CFAP410: variants seen among roughly 807,000 people sequenced by gnomAD.
The protein encoded by CFAP410 is cilia- and flagella-associated protein 410.
Under a neutral mutation model 25.7 loss-of-function variants are expected in CFAP410, and 27 were observed. That is an observed-to-expected ratio of 1.05 (90% CI 0.77 to 1.45). CFAP410 has a LOEUF of 1.45. CFAP410 is among the 40% of genes most tolerant of loss of function. The probability of loss-of-function intolerance (pLI) is 0.00; values close to 1 mark genes in which losing one functional copy is unlikely to be tolerated. For missense variants in CFAP410, 428 were observed against 354.1 expected (o/e 1.21, Z -1.67); for synonymous variants, 178 against 158.4 (o/e 1.12, Z -0.93).
chr21:44,331,144 C>A, intron 5 of CFAP410: 2 of 582,362 alleles, frequency 3.4e-6, no homozygotes, highest in East Asian at 5.6e-5. Context: ...GCCCTCCCGG[C>A]ACCCTGGGGC....
rs1382585550 is a variant in CFAP410, at chr21:44,337,611, G to C, written c.96+38C>G. 6 of 1,594,788 alleles carry C rather than the reference G, an allele frequency of 3.8e-6. No homozygotes were observed. The East Asian group carries it at 6.7e-5, about 18-fold the overall frequency. On this transcript the variant is annotated intron_variant, in intron 2 of 6. Coordinates refer to ENST00000339818, the MANE Select transcript of CFAP410 (RefSeq NM_004928.3). ...ATTTGGGTTGAGGCTATTTGGAGAT[G>C]ATCAGTGCAATACTTACATCTGTGA...
intron 6 of CFAP410, 56 bp downstream of exon 6, chr21:44,330,767 G>A (rs1305427729): frequency 9.0e-6 from 14 of 1,551,140 alleles, no homozygotes; most frequent in Non-Finnish European, 9.6e-6. Context: ...CACGGTTTCT[G>A]TGCAGTGGGT....
Position 44,330,899 on chromosome 21 carries a change from C to A in CFAP410, c.566G>T (p.Arg189Leu), listed in dbSNP as rs369039466. 1 of 1,599,586 alleles carries A rather than the reference C, an allele frequency of 6.3e-7. No individual in the cohort carries two copies. The change falls in exon 6 of 7, where the codon CGT (arginine) becomes CTT (leucine). Residue 189 changes from arginine to leucine, a missense_variant. Physicochemically the swap from Arg to Leu is moderately radical, Grantham distance 102. Coordinates refer to ENST00000339818, the MANE Select transcript of CFAP410 (RefSeq NM_004928.3). ...EEATSGAQDE[R>L]GLKPPSRGQF... ...GCCCCGGGAAGGCGGCTTCAGGCCA[C>A]GTTCATCCTGGGCGCCGCTGCTGAG... is the stretch of plus-strand genomic sequence containing the variant.
At chr21:44,330,446 C>T (rs751123948) in intron 6 of CFAP410, 120 bp from the exon 7 acceptor site, 9 of 1,538,530 alleles carry the variant, frequency 5.8e-6, no homozygotes, top group South Asian at 1.2e-5. Flanking sequence ...GGGGTGTGGG[C>T]CGTCCAAGTG....
rs974453462 is a variant in CFAP410, at chr21:44,330,081, G to A, written c.*117C>T. 1.2e-5 allele frequency: 15 copies of A among 1,232,708 alleles called. No individual in the cohort carries two copies. The highest frequency in any genetic ancestry group is 2.9e-5 in the South Asian group (2 of 69,614). 76.4% of individuals were successfully genotyped at this position (1,232,708 alleles called of 1,614,324 possible). ...CTGCCCTCGGCCGATGTGGCAAACC[G>A]GGGAGGCTTTTGTGTGGGGCCGGGG... On this transcript the variant is annotated 3_prime_UTR_variant, in exon 7 of 7. Coordinates refer to ENST00000339818, the MANE Select transcript of CFAP410 (RefSeq NM_004928.3).
chr21:44,338,286 C>T (rs1224516020), intron 1 of CFAP410: 2 of 1,287,976 alleles, frequency 1.6e-6, no homozygotes, highest in Non-Finnish European at 1.0e-6. Flanking sequence ...TCGCTGACCC[C>T]CACACCCGCC....
At chr21:44,334,741 CCATTT>C in intron 3 of CFAP410, 1 of 209,882 alleles carries the variant, frequency 4.8e-6, no homozygotes, top group South Asian at 6.8e-5. Flanking sequence ...GCCTCCAAGC[CCATTT>C]CATTCATTCA....
intron 5 of CFAP410, chr21:44,331,270 AGATGCCTAACAGAGATCACATCCC>A (rs1157439153): frequency 7.9e-6 from 3 of 379,632 alleles, no homozygotes; most frequent in African/African-American, 6.1e-5. Context: ...GCCGGATGGC[AGATGCCTAACAGAGATCACATCCC>A]GATGCCCCCA....
chr21:44,330,899 C>T lies in CFAP410; in HGVS notation c.566G>A (p.Arg189His), dbSNP rs369039466. ...EEATSGAQDE[R>H]GLKPPSRGQF... The stretch of plus-strand genomic sequence containing the variant: ...GCCCCGGGAAGGCGGCTTCAGGCCA[C>T]GTTCATCCTGGGCGCCGCTGCTGAG... Residue 189 changes from arginine to histidine, a missense_variant, in exon 6 of 7, where the codon CGT becomes CAT. By Grantham distance (29) the Arg-to-His change is conservative. Transcript: ENST00000339818. 136 of 1,599,468 alleles carry T rather than the reference C, an allele frequency of 8.5e-5. No homozygotes were observed. Among genetic ancestry groups the T allele is most frequent in the East Asian group, 7.9e-4 (35 of 44,428 alleles).
chr21:44,333,261 C>T lies in CFAP410; in HGVS notation c.145G>A (p.Val49Ile), dbSNP rs1259203971. The change falls in exon 4 of 7, where the codon GTC (valine) becomes ATC (isoleucine). Residue 49 changes from valine (V) to isoleucine (I), a missense_variant and splice_region_variant. Val to Ile is a conservative substitution (Grantham distance 29, BLOSUM62 3). Coordinates refer to ENST00000339818, the MANE Select transcript of CFAP410 (RefSeq NM_004928.3). ...GGCTCCAGGGTGGAGATGCTGTTGA[C>T]ACTGCACGGAGACCAGCACAGTCAG... is the stretch of plus-strand genomic sequence containing the variant. ...MPSLEVITLS[V>I]NSISTLEPVS... 6.2e-7 allele frequency: 1 copy of T among 1,609,238 alleles called. No homozygotes were observed. The highest frequency in any genetic ancestry group is 2.2e-5 in the East Asian group (1 of 44,694).
At position 44,329,920 on chromosome 21, in the gene CFAP410, A is replaced by T. The variant is rs552792461; in HGVS notation, c.*278T>A. ...TTGGGAAAATCTTTTATTAGGGAGG[A>T]CAGCCTGCAAAATCCTCCCTTTAAG... On this transcript the variant is annotated 3_prime_UTR_variant, in exon 7 of 7. Transcript: ENST00000339818. The T allele has an allele frequency of 1.2e-4, 51 of 411,806 alleles. No homozygotes were observed. Among genetic ancestry groups the T allele is most frequent in the African/African-American group, 9.7e-4 (47 of 48,398 alleles). 25.5% of individuals were successfully genotyped at this position (411,806 alleles called of 1,614,324 possible).
At position 44,331,851 on chromosome 21, in the gene CFAP410, C is replaced by T. The variant is rs1311105379; in HGVS notation, c.537G>A (p.Glu179=). The T allele has an allele frequency of 2.5e-6, 4 of 1,610,798 alleles. No homozygotes were observed. Among genetic ancestry groups the T allele is most frequent in the Non-Finnish European group, 2.5e-6 (3 of 1,179,550 alleles). The change falls in exon 5 of 7, where the codon GAG becomes GAA. Residue 179 remains glutamate (E), a synonymous_variant. Coordinates refer to ENST00000339818, the MANE Select transcript of CFAP410 (RefSeq NM_004928.3). ...CTGCCCTCCAGCCTCACGTTGCCTC[C>T]TCCTCGCTGTCCAGCGGGTCCCGGC... The part of the protein sequence containing the change: ...ETGRDPLDSE[E]EATSGAQDER...
rs538994908 is a variant in CFAP410 at position 44,333,689 on chromosome 21, C to A, written c.144-427G>T. The A allele has an allele frequency of 1.3e-5, 4 of 303,830 alleles. No homozygotes were observed. In the East Asian group the frequency reaches 3.4e-4, roughly 26 times the overall value. The allele number at this position is 303,830 out of a possible 1,614,324, so 18.8% of individuals were successfully genotyped here. A position where few individuals can be genotyped will look rare whatever the true frequency, so the allele number is the denominator to read the frequency against. ...GCTCCACGTGACATGGGAGTGAGCA[C>A]GGACCTTCCAAACCCCCACTTGAGG... is the stretch of plus-strand genomic sequence containing the variant. On this transcript the variant is annotated intron_variant, in intron 3 of 6. Transcript: ENST00000339818.
At chr21:44,336,392 T>C (rs1211455434) in intron 2 of CFAP410, among the ~76,000 whole-genome samples, 2 of 152,118 alleles carry the variant, frequency 1.3e-5, no homozygotes, top group East Asian at 1.9e-4. Context: ...TACGCAGGGA[T>C]AGAAAGCAAG....
At chr21:44,331,445 G>A (rs1242730689) in intron 5 of CFAP410, 5 of 257,924 alleles carry the variant, frequency 1.9e-5, no homozygotes, top group Admixed American at 5.1e-5. Flanking sequence ...GCCCCTCCAC[G>A]GCCCCCAGGC....
intron 5 of CFAP410, 122 bp downstream of exon 5, chr21:44,331,721 C>T (rs762350346): frequency 1.5e-4 from 132 of 907,426 alleles, no homozygotes; most frequent in Non-Finnish European, 1.9e-4. Context: ...ACACTCCCCC[C>T]GGATAATCCC....
At chr21:44,330,358 C>A in intron 6 of CFAP410, 32 bp from the exon 7 acceptor site, 1 of 1,596,986 alleles carries the variant, frequency 6.3e-7, no homozygotes, top group Non-Finnish European at 8.6e-7. Context: ...CTAAGCCCAC[C>A]CGGCACGGCG....
At chr21:44,333,820 G>A (rs1228634483) in intron 3 of CFAP410, 2 of 346,664 alleles carry the variant, frequency 5.8e-6, no homozygotes, top group Non-Finnish European at 1.1e-5. Context: ...TTACCCTGCA[G>A]CGTGGGGTCC....
chr21:44,339,258 G>T lies in CFAP410; in HGVS notation c.-64C>A. On this transcript the variant is annotated 5_prime_UTR_variant, in exon 1 of 7. Coordinates refer to ENST00000339818, the MANE Select transcript of CFAP410 (RefSeq NM_004928.3). ...TCCTGATCCCGGGCGGGTGACGACT[G>T]CGCGGCGCGTGTCTCCAGGGGCGGG... is the stretch of plus-strand genomic sequence containing the variant. 1 of 1,090,484 alleles carries T rather than the reference G, an allele frequency of 9.2e-7. No individual in the cohort carries two copies. Among genetic ancestry groups the T allele is most frequent in the Non-Finnish European group, 1.2e-6 (1 of 808,362 alleles). The allele number at this position is 1,090,484 out of a possible 1,614,324, so 67.6% of individuals were successfully genotyped here.
Sources: gnomAD v4.1 joint callset for allele counts (sites outside exome capture counted in the v4.1 genomes callset) on GRCh38, gnomAD v4.1.1 for gene constraint, MANE v1.5 for transcripts, NCBI Gene and HGNC (gene_info 2026-07-23, HGNC 2026-07-21) for gene names.